Variants in NT5M observed in about 807,000 individuals in gnomAD.
The protein encoded by NT5M is 5',3'-nucleotidase, mitochondrial, also known as 5'(3')-deoxyribonucleotidase, mitochondrial.
Under a neutral mutation model 22.2 loss-of-function variants are expected in NT5M, and 22 were observed. The observed-to-expected ratio is 0.99, with a 90% CI of 0.71 to 1.41. The LOEUF (loss-of-function observed/expected upper bound fraction) is 1.41. Ranked by LOEUF, NT5M falls within the 40% of genes most tolerant of loss-of-function variation. NT5M has a pLI of 0.00. For missense variants in NT5M, 322 were observed against 314.8 expected (o/e 1.02, Z -0.17); for synonymous variants, 167 against 133.0 (o/e 1.26, Z -1.76).
At chr17:17,335,289 G>A (rs2049484085) in intron 3 of NT5M, among the ~76,000 whole-genome samples, 1 of 150,802 alleles carries the variant, frequency 6.6e-6, no homozygotes. Flanking sequence ...ATGGAGTCTT[G>A]CTCTGTTGCC....
At position 17,347,091 on chromosome 17, in the gene NT5M, C is replaced by T. The variant is rs1327050543; in HGVS notation, c.*144C>T. 4 of 1,062,656 alleles carry T rather than the reference C, an allele frequency of 3.8e-6. No homozygotes were observed. The highest frequency in any genetic ancestry group is 6.3e-4 in the Middle Eastern group (2 of 3,168). The allele number at this position is 1,062,656 out of a possible 1,614,324, so 65.8% of individuals were successfully genotyped here. A position where few individuals can be genotyped will look rare whatever the true frequency, so the allele number is the denominator to read the frequency against. ...CCTGCTGCATGTCCCTTCCCTTCCCCAGCCCTGCCAGGCCTTAACCTGATC... is the reference window on the plus strand; with the variant it reads ...CCTGCTGCATGTCCCTTCCCTTCCCTAGCCCTGCCAGGCCTTAACCTGATC... On this transcript the variant is annotated 3_prime_UTR_variant, in exon 5 of 5. Transcript: ENST00000389022.
chr17:17,345,649 A>C (rs1280467675), intron 4 of NT5M, among the ~76,000 whole-genome samples: 13 of 150,668 alleles, frequency 8.6e-5, no homozygotes, highest in South Asian at 2.1e-4. Context: ...AAAAAAAAAA[A>C]AACACAAAAA....
rs569609683 is a variant in NT5M, at chr17:17,343,112, T to C, written c.430-1682T>C. Among the ~76,000 whole-genome samples the C allele has an allele frequency of 5.9e-5, 9 of 152,252 alleles. No homozygotes were observed. The South Asian group carries it at 1.5e-3, about 25-fold the overall frequency. ...TGTGGGGAAGATGCGAAGTAAGTTA[T>C]AGAGATGTGTAGCTCCGACTGTGAC... On this transcript the variant is annotated intron_variant, in intron 3 of 4. Transcript: ENST00000389022.
intron 3 of NT5M, among the ~76,000 whole-genome samples, chr17:17,327,690 G>A (rs1412799051): frequency 9.5e-6 from 1 of 105,188 alleles, no homozygotes; most frequent in Non-Finnish European, 2.1e-5. Context: ...GCTAATTTTT[G>A]TATTTTTAGT....
At chr17:17,303,983 C>A (rs1223097996) in intron 1 of NT5M, 166 bp downstream of exon 1, 2 of 1,244,568 alleles carry the variant, frequency 1.6e-6, no homozygotes, top group Non-Finnish European at 2.0e-6. Context: ...CGGGAAGATG[C>A]GGCCCCGCGC....
At chr17:17,329,713 T>A (rs940990306) in intron 3 of NT5M, among the ~76,000 whole-genome samples, 2 of 152,124 alleles carry the variant, frequency 1.3e-5, no homozygotes, top group African/African-American at 4.8e-5. Flanking sequence ...CAGTGGCTCA[T>A]GCTTGTAATC....
intron 2 of NT5M, among the ~76,000 whole-genome samples, chr17:17,313,261 AAG>A (rs2048957269): frequency 1.3e-5 from 2 of 152,280 alleles, no homozygotes; most frequent in African/African-American, 4.8e-5. Flanking sequence ...CCTGGGTAAA[AAG>A]AGTGAAAATC....
At chr17:17,312,186 A>T (rs1253162637) in intron 2 of NT5M, among the ~76,000 whole-genome samples, 1 of 152,230 alleles carries the variant, frequency 6.6e-6, no homozygotes, top group Non-Finnish European at 1.5e-5. Context: ...CCGCTCTGTA[A>T]GATTTAATAG....
chr17:17,309,080 G>A (rs1256844250), intron 2 of NT5M, among the ~76,000 whole-genome samples: 5 of 151,142 alleles, frequency 3.3e-5, no homozygotes, highest in African/African-American at 4.9e-5. Flanking sequence ...ATGAACATTC[G>A]TGTAAATATT....
At chr17:17,340,058 G>A (rs8080408) in intron 3 of NT5M, among the ~76,000 whole-genome samples, 1,530 of 152,208 alleles carry the variant, frequency 0.01, 27 homozygotes, top group African/African-American at 0.035. Context: ...AGTAGGATTG[G>A]TATTAGTTAT....
chr17:17,304,288 T>G, intron 1 of NT5M: 1 of 493,744 alleles, frequency 2.0e-6, no homozygotes. Flanking sequence ...AGAGGTTGTG[T>G]GACTTTCTGG....
At chr17:17,331,187 C>T (rs1405674511) in intron 3 of NT5M, among the ~76,000 whole-genome samples, 1 of 151,640 alleles carries the variant, frequency 6.6e-6, no homozygotes, top group East Asian at 1.9e-4. Context: ...GGCCACACTG[C>T]CAGCATTCAG....
At chr17:17,334,706 C>T (rs1226928089) in intron 3 of NT5M, among the ~76,000 whole-genome samples, 1 of 151,626 alleles carries the variant, frequency 6.6e-6, no homozygotes, top group Admixed American at 6.6e-5. Context: ...GATCTCCTGA[C>T]CTTGTGATCC....
chr17:17,305,394 G>GCCCCC (rs34579357), intron 1 of NT5M, among the ~76,000 whole-genome samples: 2 of 74,136 alleles, frequency 2.7e-5, no homozygotes, highest in African/African-American at 9.9e-5. Context: ...TAAAACAACC[G>GCCCCC]CCCCCCCCCC....
intron 3 of NT5M, among the ~76,000 whole-genome samples, chr17:17,328,355 A>G (rs2049304870): frequency 6.6e-6 from 1 of 152,158 alleles, no homozygotes; most frequent in African/African-American, 2.4e-5. Context: ...TAGCCACACC[A>G]CCACCTTTAA....
At chr17:17,306,422 GTGTT>G in intron 1 of NT5M, 117 bp from the exon 2 acceptor site, 1 of 729,228 alleles carries the variant, frequency 1.4e-6, no homozygotes. Flanking sequence ...CCTTGGGTGT[GTGTT>G]TGGGGGAGTG....
At chr17:17,306,820 G>A (rs897337698) in intron 2 of NT5M, among the ~76,000 whole-genome samples, 177 bp downstream of exon 2, 6 of 152,164 alleles carry the variant, frequency 3.9e-5, no homozygotes, top group Non-Finnish European at 7.3e-5. Flanking sequence ...CAATGATCTC[G>A]GTTTGTAGGC....
intron 3 of NT5M, among the ~76,000 whole-genome samples, chr17:17,327,707 G>A (rs113140806): frequency 0.14 from 14,603 of 104,176 alleles, 5,040 homozygotes; most frequent in South Asian, 0.17. Flanking sequence ...TAGTAGAGAC[G>A]GGGTTTCGCT....
rs1040352157 is a variant in NT5M at position 17,326,428 on chromosome 17, A to G, written c.429+3183A>G. On this transcript the variant is annotated intron_variant, in intron 3 of 4. Transcript: ENST00000389022. ...TATTTAAGAGGAAAGGGATGTCAGGACCCCAGTCACAGTAACATCAACAGG... is the reference window on the plus strand; with the variant it reads ...TATTTAAGAGGAAAGGGATGTCAGGGCCCCAGTCACAGTAACATCAACAGG... Among the ~76,000 whole-genome samples, 16 of 152,180 alleles carry G rather than the reference A, an allele frequency of 1.1e-4. 1 individual carries two copies. The highest frequency in any genetic ancestry group is 2.9e-5 in the Non-Finnish European group (2 of 68,034).
Sources: gnomAD v4.1 joint callset for allele counts (sites outside exome capture counted in the v4.1 genomes callset) on GRCh38, gnomAD v4.1.1 for gene constraint, MANE v1.5 for transcripts, NCBI Gene and HGNC (gene_info 2026-07-23, HGNC 2026-07-21) for gene names.